ZNF469: variants seen among roughly 807,000 people sequenced by gnomAD.
The protein encoded by ZNF469 is zinc finger protein 469.
In ZNF469, 1 loss-of-function variant was observed where a neutral mutation model predicts 1.0. That is an observed-to-expected ratio of 1.00 (90% CI 0.35 to 4.73). ZNF469 has a LOEUF of 4.73. ZNF469 is among the 30% of genes most tolerant of loss of function. The probability of loss-of-function intolerance (pLI) is 0.16; values close to 1 mark genes in which losing one functional copy is unlikely to be tolerated. For missense variants in ZNF469, 6,100 were observed against 5,356.3 expected (o/e 1.14, Z -4.33); for synonymous variants, 2,703 against 2,363.4 (o/e 1.14, Z -4.17).
the ZNF469 span, among the ~76,000 whole-genome samples, chr16:88,360,358 T>G: frequency 6.6e-6 from 1 of 152,164 alleles, no homozygotes; most frequent in Non-Finnish European, 1.5e-5. Context: ...TGCAACGAAA[T>G]GTACAACTCG....
chr16:88,302,723 G>A, the ZNF469 span, among the ~76,000 whole-genome samples: 12 of 152,276 alleles, frequency 7.9e-5, no homozygotes, highest in Non-Finnish European at 1.3e-4. Context: ...GGACTCCGAG[G>A]CCCCTGTCCC....
In ZNF469 at chr16:88,434,526, T is replaced by G; in HGVS notation, c.7056T>G (p.Pro2352=). 1 of 1,550,192 alleles carries G rather than the reference T, an allele frequency of 6.5e-7. No homozygotes were observed. The highest frequency in any genetic ancestry group is 2.4e-5 in the East Asian group (1 of 40,910). ...GQAVTAVPTE[P]PTLQGAGPDS... ...CTGTCACAGCTGTGCCCACTGAGCC[T>G]CCCACGCTACAGGGTGCAGGGCCGG... The change falls in exon 3 of 3, where the codon CCT becomes CCG. Residue 2352 remains proline (P), a synonymous_variant. Coordinates refer to ENST00000565624, the MANE Select transcript of ZNF469 (RefSeq NM_001367624.2).
chr16:88,361,108 A>T, the ZNF469 span, among the ~76,000 whole-genome samples: 915 of 152,330 alleles, frequency 6.0e-3, 10 homozygotes, highest in African/African-American at 0.021. Flanking sequence ...ACAGTGACAG[A>T]TCATCAGGCA....
At chr16:88,234,104 C>T in the ZNF469 span, among the ~76,000 whole-genome samples, 1 of 152,202 alleles carries the variant, frequency 6.6e-6, no homozygotes, top group African/African-American at 2.4e-5. Flanking sequence ...ACTTCTGAAC[C>T]CAGAGGAGAA....
the ZNF469 span, among the ~76,000 whole-genome samples, chr16:88,307,446 C>T: frequency 2.6e-5 from 4 of 152,248 alleles, no homozygotes; most frequent in South Asian, 8.3e-4. Flanking sequence ...GTTGCCACAT[C>T]TTACATTCCC....
the ZNF469 span, among the ~76,000 whole-genome samples, chr16:88,352,542 T>G: frequency 4.5e-4 from 68 of 152,292 alleles, 1 homozygote; most frequent in South Asian, 6.8e-3. Flanking sequence ...CCAGGCAGGT[T>G]CCTGAAGCCC....
chr16:88,287,089 C>G, the ZNF469 span, among the ~76,000 whole-genome samples: 3 of 152,162 alleles, frequency 2.0e-5, no homozygotes, highest in East Asian at 5.8e-4. Flanking sequence ...TAAAGCTTTT[C>G]TGAACATGGT....
chr16:88,159,032 A>T, the ZNF469 span, among the ~76,000 whole-genome samples: 3 of 152,046 alleles, frequency 2.0e-5, no homozygotes, highest in Admixed American at 2.0e-4. Context: ...CTACGAGGTG[A>T]TGTCTTATCA....
In ZNF469 at chr16:88,428,054, A is replaced by G. The variant is rs1277050912; in HGVS notation, c.584A>G (p.Asn195Ser). Residue 195 changes from asparagine to serine, a missense_variant, in exon 3 of 3, where the codon AAC becomes AGC. Asn to Ser is a conservative substitution (Grantham distance 46). Transcript: ENST00000565624. ...CCACCCTCCAGCTTTACCTCCACCA[A>G]CTATACCTCACCAAGCGCCACCCCC... ...QEPPSSFTST[N>S]YTSPSATPRP... 5 of 1,549,014 alleles carry G rather than the reference A, an allele frequency of 3.2e-6. No individual in the cohort carries two copies. In the East Asian group the frequency reaches 7.4e-5, roughly 23 times the overall value.
the ZNF469 span, among the ~76,000 whole-genome samples, chr16:88,147,268 T>C: frequency 3.3e-5 from 5 of 152,064 alleles, no homozygotes; most frequent in African/African-American, 1.2e-4. Flanking sequence ...GATTCTCCCC[T>C]GGAGCCTCCG....
chr16:88,296,972 G>C, the ZNF469 span, among the ~76,000 whole-genome samples: 1,759 of 152,330 alleles, frequency 0.012, 41 homozygotes, highest in African/African-American at 0.041. Context: ...CACACAGACT[G>C]ATGTTGGCCA....
At chr16:88,144,652 G>A in the ZNF469 span, among the ~76,000 whole-genome samples, 1 of 152,210 alleles carries the variant, frequency 6.6e-6, no homozygotes, top group Admixed American at 6.5e-5. Context: ...TGTTCTCTCT[G>A]TCATCACCCG....
At chr16:88,414,474 G>A (rs370269974) in intron 1 of ZNF469, among the ~76,000 whole-genome samples, 7 of 152,256 alleles carry the variant, frequency 4.6e-5, no homozygotes, top group African/African-American at 9.6e-5. Flanking sequence ...ATGCTGTGGC[G>A]CCGGGATTTG....
intron 1 of ZNF469, among the ~76,000 whole-genome samples, chr16:88,395,802 G>A (rs1002350312): frequency 6.6e-6 from 1 of 152,214 alleles, no homozygotes; most frequent in African/African-American, 2.4e-5. Context: ...CCACCATGCG[G>A]GGTGCACATG....
At chr16:88,412,373 C>T (rs1339534983) in intron 1 of ZNF469, among the ~76,000 whole-genome samples, 1 of 151,626 alleles carries the variant, frequency 6.6e-6, no homozygotes, top group Non-Finnish European at 1.5e-5. Context: ...TACTGTGTGA[C>T]CGCAGGCACC....
chr16:88,283,018 T>A, the ZNF469 span, among the ~76,000 whole-genome samples: 1 of 152,140 alleles, frequency 6.6e-6, no homozygotes, highest in Non-Finnish European at 1.5e-5. Context: ...GTTTGGCCAA[T>A]GCATTAGGTC....
chr16:88,130,789 G>A, the ZNF469 span, among the ~76,000 whole-genome samples: 1 of 151,798 alleles, frequency 6.6e-6, no homozygotes, highest in Non-Finnish European at 1.5e-5. Context: ...GACACACGAA[G>A]ACAGCAATAC....
At chr16:88,350,617 G>A in the ZNF469 span, among the ~76,000 whole-genome samples, 2 of 152,214 alleles carry the variant, frequency 1.3e-5, no homozygotes, top group Non-Finnish European at 2.9e-5. Flanking sequence ...TCATGATTCC[G>A]GAACCTCACG....
At chr16:88,185,450 G>A in the ZNF469 span, among the ~76,000 whole-genome samples, 25 of 150,880 alleles carry the variant, frequency 1.7e-4, no homozygotes, top group African/African-American at 6.1e-4. Flanking sequence ...ATACACACTT[G>A]TGTGCCCAGA....
Sources: gnomAD v4.1 joint callset for allele counts (sites outside exome capture counted in the v4.1 genomes callset) on GRCh38, gnomAD v4.1.1 for gene constraint, MANE v1.5 for transcripts, NCBI Gene and HGNC (gene_info 2026-07-23, HGNC 2026-07-21) for gene names.